Variants in CFAP221 observed in about 807,000 individuals in gnomAD.
The protein encoded by CFAP221 is cilia- and flagella-associated protein 221.
CFAP221 carries 97 observed loss-of-function variants against 113.1 expected under a neutral mutation model. The observed-to-expected ratio is 0.86, with a 90% confidence interval of 0.73 to 1.02. The LOEUF (loss-of-function observed/expected upper bound fraction) is 1.02. CFAP221 is among the 50% of genes least tolerant of loss of function. The probability of loss-of-function intolerance (pLI) is 0.00; values close to 1 mark genes in which losing one functional copy is unlikely to be tolerated. For synonymous variants in CFAP221, 331 were observed against 354.4 expected, an observed-to-expected ratio of 0.93 and a Z score of 0.74; for missense variants, 1,025 against 1,013.4, an observed-to-expected ratio of 1.01 and a Z score of -0.16.
intron 14 of CFAP221, among the ~76,000 whole-genome samples, chr2:119,623,856 A>G (rs1398357500): frequency 6.6e-6 from 1 of 152,234 alleles, no homozygotes; most frequent in Non-Finnish European, 1.5e-5. Context: ...AACACTTTAT[A>G]CAAAAATTAA....
chr2:119,601,197 T>G (rs2104662148), intron 7 of CFAP221, 21 bp from the exon 8 acceptor site: 1 of 1,502,188 alleles, frequency 6.7e-7, no homozygotes, highest in East Asian at 2.5e-5. Context: ...GTATCACATT[T>G]TCTCATTTCT....
chr2:119,544,504 C>G lies in CFAP221; in HGVS notation c.-54C>G, dbSNP rs1366688663. 6.6e-6 allele frequency: 1 copy of G among 151,996 alleles called. No homozygotes were observed. Among genetic ancestry groups the G allele is most frequent in the Non-Finnish European group, 1.5e-5 (1 of 67,990 alleles). The allele number at this position is 151,996 out of a possible 1,614,324, so 9.4% of individuals were successfully genotyped here. A position where few individuals can be genotyped will look rare whatever the true frequency, so the allele number is the denominator to read the frequency against. On this transcript the variant is annotated 5_prime_UTR_variant, in exon 1 of 24. Transcript: ENST00000413369. ...CGGCCGAATCCGGCCCGGGAACCAC[C>G]TCCAGGGTGAGCGGCCAGGGACCTG... is the stretch of plus-strand genomic sequence containing the variant.
At chr2:119,631,154 T>C (rs1181672437) in intron 19 of CFAP221, 9 of 948,088 alleles carry the variant, frequency 9.5e-6, no homozygotes, top group African/African-American at 1.7e-5. Context: ...TATGTACATA[T>C]AGGCCAAAGA....
chr2:119,620,850 C>T (rs1685859961), intron 14 of CFAP221, among the ~76,000 whole-genome samples: 2 of 151,872 alleles, frequency 1.3e-5, no homozygotes, highest in South Asian at 2.1e-4. Flanking sequence ...GGAGACCCAT[C>T]TCACATGCAG....
chr2:119,650,408 G>A (rs1019117884), intron 22 of CFAP221, among the ~76,000 whole-genome samples: 2 of 152,226 alleles, frequency 1.3e-5, no homozygotes, highest in Non-Finnish European at 2.9e-5. Context: ...ATTCATATTT[G>A]CTTCAGCTTC....
Position 119,639,842 on chromosome 2 carries a change from C to G in CFAP221, c.2195C>G (p.Pro732Arg), listed in dbSNP as rs150732635. The change falls in exon 21 of 24, where the codon CCG (proline) becomes CGG (arginine). Residue 732 changes from proline to arginine, a missense_variant. Pro to Arg is a moderately radical substitution (Grantham distance 103). Coordinates refer to ENST00000413369, the MANE Select transcript of CFAP221 (RefSeq NM_001271049.2). ...CAGTCCCTGGTTCTCTCCTCCCTGC[C>G]GGACCCCTCCAAGATGGAGACCACA... ...SFQSLVLSSL[P>R]DPSKMETTKS... 7 of 1,613,968 alleles carry G rather than the reference C, an allele frequency of 4.3e-6. No homozygotes were observed. Among genetic ancestry groups the G allele is most frequent in the African/African-American group, 2.7e-5 (2 of 74,922 alleles).
Position 119,630,639 on chromosome 2 carries a change from C to T in CFAP221, c.1801C>T (p.Pro601Ser). 2 of 1,613,952 alleles carry T rather than the reference C, an allele frequency of 1.2e-6. No homozygotes were observed. Among genetic ancestry groups the T allele is most frequent in the South Asian group, 2.2e-5 (2 of 91,078 alleles). ...SVHKSSTSYR[P>S]QKLARALKQG... ...CCACAAGTCTTCAACAAGTTACAGA[C>T]CTCAAAAGCTTGCCCGAGCCCTAAA... Residue 601 changes from proline to serine, a missense_variant, in exon 18 of 24, where the codon CCT becomes TCT. Physicochemically the swap from Pro to Ser is moderately conservative, Grantham distance 74. Transcript: ENST00000413369.
At chr2:119,608,617 T>A (rs750592832) in intron 12 of CFAP221, 28 bp downstream of exon 12, 3 of 1,564,464 alleles carry the variant, frequency 1.9e-6, no homozygotes, top group Non-Finnish European at 2.6e-6. Flanking sequence ...TTTGCTATCA[T>A]TTGTTTCGCT....
intron 7 of CFAP221, among the ~76,000 whole-genome samples, chr2:119,598,197 G>T (rs1473143437): frequency 6.6e-6 from 1 of 152,136 alleles, no homozygotes; most frequent in Non-Finnish European, 1.5e-5. Flanking sequence ...GTCTGGACAT[G>T]GGAAAGAAGA....
intron 8 of CFAP221, among the ~76,000 whole-genome samples, chr2:119,604,168 G>A (rs1356902694): frequency 6.6e-6 from 1 of 152,190 alleles, no homozygotes; most frequent in African/African-American, 2.4e-5. Context: ...CTTTAAGAAT[G>A]TAAAGCAATG....
At chr2:119,548,608 C>G (rs1308668912) in intron 2 of CFAP221, among the ~76,000 whole-genome samples, 1 of 152,180 alleles carries the variant, frequency 6.6e-6, no homozygotes, top group Admixed American at 6.5e-5. Flanking sequence ...TAATATTACT[C>G]TACATCACAT....
chr2:119,597,447 A>C (rs1684060170), intron 7 of CFAP221, among the ~76,000 whole-genome samples: 2 of 152,210 alleles, frequency 1.3e-5, no homozygotes, highest in Admixed American at 1.3e-4. Context: ...TTTTAAAGCT[A>C]AATAGCTATT....
intron 11 of CFAP221, among the ~76,000 whole-genome samples, chr2:119,606,020 T>C (rs537169182): frequency 7.9e-5 from 12 of 152,120 alleles, no homozygotes; most frequent in Non-Finnish European, 1.3e-4. Flanking sequence ...TCCAGTGTTA[T>C]GGATATGCAA....
At position 119,656,571 on chromosome 2, in the gene CFAP221, G is replaced by T. The variant is rs763914598; in HGVS notation, c.*101G>T. ...GCCATCTCTGCAATTAAAGTTTCTG[G>T]ATAAAAAAATGAAATGTAGAGGATG... On this transcript the variant is annotated 3_prime_UTR_variant, in exon 24 of 24. Coordinates refer to ENST00000413369, the MANE Select transcript of CFAP221 (RefSeq NM_001271049.2). 7.8e-5 allele frequency: 58 copies of T among 742,182 alleles called. No individual in the cohort carries two copies. Among genetic ancestry groups the T allele is most frequent in the Non-Finnish European group, 1.3e-4 (55 of 438,438 alleles). 46.0% of individuals were successfully genotyped at this position (742,182 alleles called of 1,614,324 possible).
At chr2:119,637,379 A>G (rs1687185229) in intron 19 of CFAP221, among the ~76,000 whole-genome samples, 1 of 152,142 alleles carries the variant, frequency 6.6e-6, no homozygotes, top group Non-Finnish European at 1.5e-5. Flanking sequence ...GCCGGAATGC[A>G]TTCAGGTCTA....
intron 7 of CFAP221, 74 bp downstream of exon 7, chr2:119,587,296 AT>A: frequency 9.1e-7 from 1 of 1,100,144 alleles, no homozygotes; most frequent in South Asian, 1.8e-5. Flanking sequence ...TCAAACACAT[AT>A]CAGTGATGAA....
intron 6 of CFAP221, chr2:119,572,613 C>T (rs573831041): frequency 1.4e-6 from 1 of 696,516 alleles, no homozygotes; most frequent in South Asian, 1.5e-5. Flanking sequence ...TGACCAGTTG[C>T]TCTCCCATCA....
Position 119,583,509 on chromosome 2 carries a change from C to A in CFAP221, c.528-3610C>A, listed in dbSNP as rs914259054. Reference sequence around the variant, plus strand: ...TACATAGAAAATCTAAGGAAATCTACAGATAAACTTTTACAACCCATAAAA... The same window carrying A: ...TACATAGAAAATCTAAGGAAATCTAAAGATAAACTTTTACAACCCATAAAA... On this transcript the variant is annotated intron_variant, in intron 6 of 23. Transcript: ENST00000413369. 1.6e-4 allele frequency among the ~76,000 whole-genome samples: 24 copies of A among 148,646 alleles called. 3 individuals carry two copies. The highest frequency in any genetic ancestry group is 1.4e-3 in the Admixed American group (21 of 14,670).
chr2:119,605,322 C>A, intron 11 of CFAP221, 33 bp downstream of exon 11: 1 of 1,461,704 alleles, frequency 6.8e-7, no homozygotes, highest in Non-Finnish European at 9.6e-7. Context: ...TATCAAGTGT[C>A]AGTACAGTTA....
Sources: gnomAD v4.1 joint callset for allele counts (sites outside exome capture counted in the v4.1 genomes callset) on GRCh38, gnomAD v4.1.1 for gene constraint, MANE v1.5 for transcripts, NCBI Gene and HGNC (gene_info 2026-07-23, HGNC 2026-07-21) for gene names.